The following FBXL13 variants were observed in gnomAD, a reference collection of about 807,000 sequenced individuals.
FBXL13 encodes the protein F-box and leucine rich repeat protein 13, also known as F-box and leucine-rich repeat protein 13.
FBXL13 carries 67 observed loss-of-function variants against 83.6 expected under a neutral mutation model. The observed-to-expected ratio is 0.80, with a 90% CI of 0.66 to 0.98. The LOEUF (loss-of-function observed/expected upper bound fraction) is 0.98. Among genes scored for constraint, FBXL13 ranks in the 50% least tolerant of loss-of-function variants. The pLI is 0.00. For synonymous variants in FBXL13, 272 were observed against 299.5 expected (o/e 0.91, Z 0.95); for missense variants, 822 against 866.5 (o/e 0.95, Z 0.64).
At chr7:102,981,402 T>TCCTGTGCAATTG (rs11271766) in intron 6 of FBXL13, among the ~76,000 whole-genome samples, 5 of 151,876 alleles carry the variant, frequency 3.3e-5, no homozygotes, top group African/African-American at 1.2e-4. Context: ...TGCACACCTT[T>TCCTGTGCAATTG]CCCCCCCTTA....
chr7:102,953,118 A>C (rs1256954108), intron 8 of FBXL13, among the ~76,000 whole-genome samples: 1 of 152,202 alleles, frequency 6.6e-6, no homozygotes, highest in Non-Finnish European at 1.5e-5. Flanking sequence ...AATTCTTCCC[A>C]AAAAATAGAA....
intron 19 of FBXL13, 64 bp from the exon 21 acceptor site, chr7:102,813,595 C>A: frequency 6.5e-7 from 1 of 1,539,474 alleles, no homozygotes; most frequent in Non-Finnish European, 8.8e-7. Context: ...AATTTTCAAA[C>A]TCAACCAAAT....
chr7:103,074,515 T>G lies in FBXL13; in HGVS notation c.-374A>C. On this transcript the variant is annotated 5_prime_UTR_variant, in exon 1 of 20. Coordinates refer to ENST00000313221, the Ensembl canonical transcript of FBXL13. ...CCCTCTGTTTTCTCTCTAATCAGCG[T>G]CTTCAGCCCTGATCGCCTACAAGTC... 3 of 1,175,758 alleles carry G rather than the reference T, an allele frequency of 2.6e-6. No individual in the cohort carries two copies. The South Asian group carries it at 4.6e-5, about 18-fold the overall frequency. The allele number at this position is 1,175,758 out of a possible 1,614,324, so 72.8% of individuals were successfully genotyped here.
intron 17 of FBXL13, 56 bp downstream of exon 18, chr7:102,854,721 G>GA: frequency 2.6e-6 from 3 of 1,161,544 alleles, no homozygotes; most frequent in Non-Finnish European, 3.6e-6. Context: ...GGAAAAAAAA[G>GA]AAAAAAAGAA....
chr7:102,962,285 G>A (rs1825355470), intron 8 of FBXL13, among the ~76,000 whole-genome samples: 1 of 152,134 alleles, frequency 6.6e-6, no homozygotes, highest in Non-Finnish European at 1.5e-5. Context: ...ACCACAATGA[G>A]ATATCATCTC....
intron 11 of FBXL13, among the ~76,000 whole-genome samples, chr7:102,889,154 C>T (rs1054945472): frequency 4.6e-5 from 7 of 152,082 alleles, no homozygotes; most frequent in Admixed American, 4.6e-4. Context: ...GTGGTGCAGC[C>T]CTCTTACTGC....
chr7:103,069,116 C>T (rs1478705499), intron 1 of FBXL13, among the ~76,000 whole-genome samples: 5 of 151,518 alleles, frequency 3.3e-5, no homozygotes, highest in East Asian at 3.9e-4. Flanking sequence ...GCCTGGCTGT[C>T]GCCCCCTCTG....
chr7:102,939,252 G>T (rs1820922795), intron 8 of FBXL13, among the ~76,000 whole-genome samples: 1 of 152,164 alleles, frequency 6.6e-6, no homozygotes, highest in South Asian at 2.1e-4. Context: ...AGGCTTTGCT[G>T]GGCTTTGATG....
intron 6 of FBXL13, among the ~76,000 whole-genome samples, chr7:103,021,236 G>A (rs1429724274): frequency 2.0e-5 from 3 of 152,306 alleles, no homozygotes; most frequent in East Asian, 3.9e-4. Flanking sequence ...ATGGGGAAAG[G>A]ATTCCCTATT....
intron 18 of FBXL13, among the ~76,000 whole-genome samples, chr7:102,826,057 T>A (rs890022674): frequency 6.6e-6 from 1 of 152,340 alleles, no homozygotes; most frequent in African/African-American, 2.4e-5. Flanking sequence ...GATTTTTTTT[T>A]AGTAGGACCT....
chr7:102,973,646 G>C, intron 6 of FBXL13: 1 of 766,310 alleles, frequency 1.3e-6, no homozygotes, highest in Non-Finnish European at 2.4e-6. Context: ...AGGGGCTCCG[G>C]TCTTCGTCCC....
chr7:102,831,033 C>T (rs1392960031), intron 18 of FBXL13, among the ~76,000 whole-genome samples: 4 of 152,104 alleles, frequency 2.6e-5, no homozygotes, highest in Non-Finnish European at 5.9e-5. Flanking sequence ...GGATGATCTA[C>T]GTGTGTTATT....
At chr7:102,836,476 AATGCTGCAGAATC>A in intron 17 of FBXL13, among the ~76,000 whole-genome samples, 1 of 152,348 alleles carries the variant, frequency 6.6e-6, no homozygotes, top group East Asian at 1.9e-4. Flanking sequence ...TTCTGGCTCC[AATGCTGCAGAATC>A]ATACTTCTAT....
chr7:102,973,758 G>C, intron 6 of FBXL13: 1 of 765,504 alleles, frequency 1.3e-6, no homozygotes, highest in Non-Finnish European at 2.4e-6. Context: ...ATCAGTCACT[G>C]ATCTCACCTA....
chr7:102,813,480 A>C, exon 20 of FBXL13: 1 of 1,614,118 alleles, frequency 6.2e-7, no homozygotes, highest in South Asian at 1.1e-5. Flanking sequence ...GAGGGTCATT[A>C]GTGTTGTATT....
At chr7:103,025,274 G>A (rs781475549) in intron 5 of FBXL13, 44 bp from the exon 7 acceptor site, 14 of 1,304,010 alleles carry the variant, frequency 1.1e-5, no homozygotes, top group South Asian at 1.4e-5. Flanking sequence ...TTGCTGTAAC[G>A]GTCAAGAGAG....
chr7:102,988,691 T>TGTAG (rs963385868), intron 6 of FBXL13: 3 of 152,298 alleles, frequency 2.0e-5, no homozygotes, highest in African/African-American at 7.2e-5. Flanking sequence ...CCAAAACTGG[T>TGTAG]GTAGAGTCTT....
At chr7:102,937,777 T>C (rs1034268687) in intron 8 of FBXL13, among the ~76,000 whole-genome samples, 1 of 152,152 alleles carries the variant, frequency 6.6e-6, no homozygotes, top group South Asian at 2.1e-4. Flanking sequence ...TAAGCAACCA[T>C]TGAAAGTGAA....
intron 6 of FBXL13, among the ~76,000 whole-genome samples, chr7:103,008,415 A>G (rs1047149010): frequency 6.6e-6 from 1 of 152,244 alleles, no homozygotes; most frequent in African/African-American, 2.4e-5. Context: ...TATAGGAAAT[A>G]CATCAATAAT....
Sources: allele counts gnomAD v4.1 joint callset (sites outside exome capture counted in the v4.1 genomes callset), GRCh38; gene constraint gnomAD v4.1.1; transcripts MANE v1.5; gene names NCBI Gene and HGNC (gene_info 2026-07-23, HGNC 2026-07-21).